The following RAB38 variants were observed in gnomAD, a reference collection of about 807,000 sequenced individuals.
RAB38 encodes RAB38, member RAS oncogene family.
RAB38 carries 15 observed loss-of-function variants against 18.4 expected under a neutral mutation model. That is an observed-to-expected ratio of 0.82 (90% CI 0.55 to 1.26). The LOEUF is 1.26. Ranked by LOEUF, RAB38 falls within the 50% of genes most tolerant of loss-of-function variation. The probability of loss-of-function intolerance (pLI) is 0.00; values close to 1 mark genes in which losing one functional copy is unlikely to be tolerated. For synonymous variants in RAB38, 101 were observed against 104.4 expected (o/e 0.97, Z 0.20); for missense variants, 294 against 267.4 (o/e 1.10, Z -0.69).
At chr11:88,116,091 AGTGTCAC>A (rs1311656215) in intron 2 of RAB38, among the ~76,000 whole-genome samples, 1 of 152,076 alleles carries the variant, frequency 6.6e-6, no homozygotes, top group Non-Finnish European at 1.5e-5. Flanking sequence ...TCCTCTTCTT[AGTGTCAC>A]GTCTAAGGGT....
chr11:87,836,988 C>T, the RAB38 span, among the ~76,000 whole-genome samples: 2 of 152,162 alleles, frequency 1.3e-5, no homozygotes, highest in Non-Finnish European at 2.9e-5. Context: ...ATGCAAATTA[C>T]TTAGTCTTAT....
the RAB38 span, among the ~76,000 whole-genome samples, chr11:88,049,474 A>C: frequency 7.1e-6 from 1 of 141,718 alleles, no homozygotes; most frequent in South Asian, 2.3e-4. Context: ...ATTTGACTGT[A>C]ATTTTCCTTT....
the RAB38 span, among the ~76,000 whole-genome samples, chr11:88,025,454 T>C: frequency 1.3e-5 from 2 of 152,176 alleles, no homozygotes; most frequent in East Asian, 3.9e-4. Flanking sequence ...GAGAAATCTC[T>C]AACCTACTTT....
At chr11:88,173,525 A>AG (rs1399071013) in intron 1 of RAB38, 1 of 985,152 alleles carries the variant, frequency 1.0e-6, no homozygotes, top group Non-Finnish European at 1.2e-6. Flanking sequence ...TTATGTGAGG[A>AG]GACTGAAATC....
At chr11:87,844,621 C>T in the RAB38 span, among the ~76,000 whole-genome samples, 3 of 152,168 alleles carry the variant, frequency 2.0e-5, no homozygotes, top group Non-Finnish European at 2.9e-5. Flanking sequence ...TTACTTTTCT[C>T]AAAGTAGGCC....
At chr11:87,914,632 T>C in the RAB38 span, among the ~76,000 whole-genome samples, 1 of 152,140 alleles carries the variant, frequency 6.6e-6, no homozygotes. Context: ...AATCCAAGGG[T>C]GCAGTCAAGT....
intron 2 of RAB38, among the ~76,000 whole-genome samples, chr11:88,130,543 T>A (rs1942754092): frequency 6.6e-6 from 1 of 152,190 alleles, no homozygotes; most frequent in Non-Finnish European, 1.5e-5. Context: ...CTAACTTCAT[T>A]TTCTGCCATA....
intron 2 of RAB38, among the ~76,000 whole-genome samples, chr11:88,122,624 G>A (rs1464280664): frequency 1.3e-5 from 2 of 152,184 alleles, no homozygotes; most frequent in African/African-American, 4.8e-5. Context: ...TACACCCTGA[G>A]AGGTGGATAA....
At chr11:87,957,519 G>A in the RAB38 span, among the ~76,000 whole-genome samples, 1 of 152,122 alleles carries the variant, frequency 6.6e-6, no homozygotes, top group African/African-American at 2.4e-5. Flanking sequence ...AGCATGATTG[G>A]ACAAAGAAAG....
the RAB38 span, among the ~76,000 whole-genome samples, chr11:87,952,268 GGGAATTTAT>G: frequency 1.1e-4 from 16 of 152,006 alleles, no homozygotes; most frequent in African/African-American, 3.4e-4. Flanking sequence ...GCTTCATCCT[GGGAATTTAT>G]GGAACTCATT....
the RAB38 span, among the ~76,000 whole-genome samples, chr11:87,932,802 G>C: frequency 2.6e-5 from 4 of 152,064 alleles, no homozygotes; most frequent in Non-Finnish European, 4.4e-5. Context: ...TGGCAGCTGT[G>C]TCCCAGGCTT....
intron 2 of RAB38, among the ~76,000 whole-genome samples, chr11:88,126,775 C>G (rs1389787728): frequency 6.6e-6 from 1 of 152,096 alleles, no homozygotes; most frequent in East Asian, 1.9e-4. Flanking sequence ...CAGGAAGTCA[C>G]CATAACCTCT....
the RAB38 span, among the ~76,000 whole-genome samples, chr11:87,977,165 TATTATACAAGTATATTATAAAATATA>T: frequency 1.7e-4 from 2 of 11,732 alleles, 1 homozygote; most frequent in Non-Finnish European, 3.2e-4. Flanking sequence ...TATAAAATTA[TATTATACAAGTATATTATAAAATATA>T]ATTATATTAT....
At chr11:88,105,522 TTATACACA>T in the RAB38 span, among the ~76,000 whole-genome samples, 3 of 152,182 alleles carry the variant, frequency 2.0e-5, no homozygotes, top group South Asian at 6.2e-4. Flanking sequence ...AAATCAGGAC[TTATACACA>T]GTTAAACTAA....
the RAB38 span, among the ~76,000 whole-genome samples, chr11:88,028,934 C>T: frequency 1.3e-4 from 20 of 152,206 alleles, no homozygotes; most frequent in East Asian, 5.8e-4. Context: ...TTGTCAGATT[C>T]GCCAAAGTTG....
the RAB38 span, among the ~76,000 whole-genome samples, chr11:88,007,305 T>G: frequency 6.6e-6 from 1 of 151,738 alleles, no homozygotes; most frequent in Non-Finnish European, 1.5e-5. Context: ...TGTCATAATT[T>G]AAAACTTTCA....
chr11:87,973,578 G>C, the RAB38 span, among the ~76,000 whole-genome samples: 22 of 147,040 alleles, frequency 1.5e-4, no homozygotes, highest in Non-Finnish European at 3.1e-5. Flanking sequence ...AGTTAGTGAA[G>C]AGAGCTTCTG....
intron 2 of RAB38, among the ~76,000 whole-genome samples, chr11:88,147,150 C>T (rs1381569968): frequency 6.6e-6 from 1 of 152,134 alleles, no homozygotes; most frequent in Non-Finnish European, 1.5e-5. Context: ...CTTATTAGCA[C>T]TTAATAAGTA....
chr11:88,167,013 A>C (rs1387873044), intron 1 of RAB38: 3 of 152,186 alleles, frequency 2.0e-5, no homozygotes, highest in Non-Finnish European at 4.4e-5. Context: ...GTTAGGACCC[A>C]GGGATACACT....
Sources: gnomAD v4.1 joint callset for allele counts (sites outside exome capture counted in the v4.1 genomes callset) on GRCh38, gnomAD v4.1.1 for gene constraint, MANE v1.5 for transcripts, NCBI Gene and HGNC (gene_info 2026-07-23, HGNC 2026-07-21) for gene names.